Variants in AMIGO2 observed in about 807,000 individuals in gnomAD.
The protein encoded by AMIGO2 is amphoterin-induced protein 2.
A neutral mutation model predicts 23.7 loss-of-function variants in AMIGO2; 15 were observed. The ratio of observed to expected loss-of-function variants is 0.63; its 90% CI spans 0.42 to 0.98. The LOEUF (loss-of-function observed/expected upper bound fraction) is 0.98. Among genes scored for constraint, AMIGO2 ranks in the 50% least tolerant of loss-of-function variants. The pLI is 0.00. For missense variants in AMIGO2, 561 were observed against 633.1 expected (o/e 0.89, Z 1.22); for synonymous variants, 264 against 252.3 (o/e 1.05, Z -0.44).
chr12:47,077,022 A>T lies in AMIGO2; in HGVS notation c.*412T>A, dbSNP rs1230958182. On this transcript the variant is annotated 3_prime_UTR_variant, in exon 3 of 3. Coordinates refer to ENST00000550413, the MANE Select transcript of AMIGO2 (RefSeq NM_001370299.1). ...ATTCTTCTTTCTACATCTTTTAAAA[A>T]TGAAATTGGACACTAGTGTTTTTCT... 6.3e-6 allele frequency: 1 copy of T among 158,766 alleles called. No homozygotes were observed. Among genetic ancestry groups the T allele is most frequent in the African/African-American group, 2.4e-5 (1 of 41,534 alleles). 9.8% of individuals were successfully genotyped at this position (158,766 alleles called of 1,614,324 possible).
Position 47,078,868 on chromosome 12 carries a change from G to C in AMIGO2, c.135C>G (p.Cys45Trp), listed in dbSNP as rs1205131522. 1 of 1,614,100 alleles carries C rather than the reference G, an allele frequency of 6.2e-7. No homozygotes were observed. The highest frequency in any genetic ancestry group is 1.3e-5 in the African/African-American group (1 of 74,936). The change falls in exon 3 of 3, where the codon TGC becomes TGG. Residue 45 changes from cysteine to tryptophan, a missense_variant. Coordinates refer to ENST00000550413, the MANE Select transcript of AMIGO2 (RefSeq NM_001370299.1). ...AGCTGACGATGTCAGTGGCACAGAT[G>C]CAAGCGGTGGGGCACACCCCAGAGG... ...PGASGVCPTA[C>W]ICATDIVSCT...
In AMIGO2 at chr12:47,078,568, C is replaced by T. The variant is rs568118261; in HGVS notation, c.435G>A (p.Val145=). The change falls in exon 3 of 3, where the codon GTG becomes GTA. Residue 145 remains valine, a synonymous_variant. Transcript: ENST00000550413. ...ATATGTGATTGTTGTAAAGCAGAAG[C>T]ACTTCCAGAACCTTCAACTCTTGGA... is the stretch of plus-strand genomic sequence containing the variant. ...AVFQELKVLE[V]LLLYNNHISY... 1.1e-4 allele frequency: 170 copies of T among 1,614,104 alleles called. No homozygotes were observed. The highest frequency in any genetic ancestry group is 1.3e-4 in the Non-Finnish European group (155 of 1,180,054).
rs1281019179 is a variant in AMIGO2 at position 47,077,854 on chromosome 12, G to A, written c.1149C>T (p.Ser383=). 1.9e-6 allele frequency: 3 copies of A among 1,614,180 alleles called. No homozygotes were observed. Among genetic ancestry groups the A allele is most frequent in the Non-Finnish European group, 2.5e-6 (3 of 1,180,042 alleles). ...NETVDVTINV[S]NFTVSRSHAH... ...CATGGGATCTGCTTACAGTGAAATT[G>A]CTCACATTTATTGTGACGTCCACAG... The change falls in exon 3 of 3, where the codon AGC becomes AGT. Residue 383 remains serine (S), a synonymous_variant. Transcript: ENST00000550413.
Position 47,077,511 on chromosome 12 carries a change from T to G in AMIGO2, c.1492A>C (p.Lys498Gln). The change falls in exon 3 of 3, where the codon AAG becomes CAG. Residue 498 changes from lysine (K) to glutamine (Q), a missense_variant. Coordinates refer to ENST00000550413, the MANE Select transcript of AMIGO2 (RefSeq NM_001370299.1). ...SEAVIAEGIL[K>Q]STRGKSDSDS... ...GAGTCAGATTTCCCCCTCGTGGACT[T>G]TAGGATGCCCTCAGCTATCACTGCC... is the stretch of plus-strand genomic sequence containing the variant. The G allele has an allele frequency of 1.2e-6, 2 of 1,614,176 alleles. No individual in the cohort carries two copies. The highest frequency in any genetic ancestry group is 2.2e-5 in the South Asian group (2 of 91,074).
rs1273217676 is a variant in AMIGO2, at chr12:47,079,651, A to AGCCCTGGACGCAGCAGCC, written c.-378_-361dup. 2.0e-5 allele frequency: 3 copies of AGCCCTGGACGCAGCAGCC among 152,246 alleles called. No homozygotes were observed. The highest frequency in any genetic ancestry group is 2.0e-4 in the Admixed American group (3 of 15,286). The allele number at this position is 152,246 out of a possible 1,614,324, so 9.4% of individuals were successfully genotyped here. On this transcript the variant is annotated 5_prime_UTR_variant, in exon 1 of 3. Transcript: ENST00000550413. ...TTCAAGCAGCCGCGGCGGCAGCAGC[A>AGCCCTGGACGCAGCAGCC]GCCCTGGACGCAGCAGCCAAGCTCT...
At chr12:47,076,440 T>TTACTA (rs10682029), downstream of AMIGO2, 126,841 of 152,288 alleles carry the variant, frequency 0.83, 52,971 homozygotes, top group South Asian at 0.87. Flanking sequence ...AAAATCAACT[T>TTACTA]TAAGAATTTT....
rs747462184 is a variant in AMIGO2, at chr12:47,078,979, C to A, written c.24G>T (p.Leu8=). 3.7e-6 allele frequency: 6 copies of A among 1,610,740 alleles called. No individual in the cohort carries two copies. Among genetic ancestry groups the A allele is most frequent in the Non-Finnish European group, 2.5e-6 (3 of 1,178,178 alleles). MSLRVHT[L]PTLLGAVVRP... is the part of the protein sequence containing the mutation. ...TGACGACGGCTCCAAGCAGGGTGGG[C>A]AGAGTGTGTACACGTAACGACATTA... Residue 8 remains leucine (L), a synonymous_variant, in exon 3 of 3, where the codon CTG becomes CTT. Coordinates refer to ENST00000550413, the MANE Select transcript of AMIGO2 (RefSeq NM_001370299.1).
In AMIGO2 at chr12:47,077,212, G is replaced by T; in HGVS notation, c.*222C>A. On this transcript the variant is annotated 3_prime_UTR_variant, in exon 3 of 3. Transcript: ENST00000550413. ...CAATAGTGCTAAAAGCTAAGATATTGTGATCTAGAACTTAAACTTTGGAAA... is the reference window on the plus strand; with the variant it reads ...CAATAGTGCTAAAAGCTAAGATATTTTGATCTAGAACTTAAACTTTGGAAA... 1.7e-6 allele frequency: 1 copy of T among 586,588 alleles called. No individual in the cohort carries two copies. The highest frequency in any genetic ancestry group is 2.8e-6 in the Non-Finnish European group (1 of 351,542). The allele number at this position is 586,588 out of a possible 1,614,324, so 36.3% of individuals were successfully genotyped here.
At position 47,076,838 on chromosome 12, in the gene AMIGO2, G is replaced by C. The variant is rs1210394517; in HGVS notation, c.*596C>G. ...AAAATGAAAAGACAGGCAAACAAAT[G>C]TACTTTCCTTGCACTATTTCTATAA... On this transcript the variant is annotated 3_prime_UTR_variant, in exon 3 of 3. Transcript: ENST00000550413. The C allele has an allele frequency of 6.6e-6, 1 of 152,170 alleles. No individual in the cohort carries two copies. The highest frequency in any genetic ancestry group is 2.4e-5 in the African/African-American group (1 of 41,458). 9.4% of individuals were successfully genotyped at this position (152,170 alleles called of 1,614,324 possible). A position where few individuals can be genotyped will look rare whatever the true frequency, so the allele number is the denominator to read the frequency against.
In AMIGO2 at chr12:47,077,149, T is replaced by C. The variant is rs1409930456; in HGVS notation, c.*285A>G. The C allele has an allele frequency of 6.5e-6, 2 of 308,158 alleles. No homozygotes were observed. The highest frequency in any genetic ancestry group is 1.2e-5 in the Non-Finnish European group (2 of 167,324). The allele number at this position is 308,158 out of a possible 1,614,324, so 19.1% of individuals were successfully genotyped here. A position where few individuals can be genotyped will look rare whatever the true frequency, so the allele number is the denominator to read the frequency against. ...TTCAATATCCTAAATAAAGGGACAA[T>C]GGGAGTCATATCACCTTTGGGCCTA... On this transcript the variant is annotated 3_prime_UTR_variant, in exon 3 of 3. Coordinates refer to ENST00000550413, the MANE Select transcript of AMIGO2 (RefSeq NM_001370299.1).
chr12:47,077,826 G>A lies in AMIGO2; in HGVS notation c.1177C>T (p.His393Tyr), dbSNP rs150268299. The change falls in exon 3 of 3, where the codon CAT (histidine) becomes TAT (tyrosine). Residue 393 changes from histidine (H) to tyrosine (Y), a missense_variant. Physicochemically the swap from His to Tyr is moderately conservative, Grantham distance 83 (BLOSUM62 2). Coordinates refer to ENST00000550413, the MANE Select transcript of AMIGO2 (RefSeq NM_001370299.1). Reference protein sequence around the residue: ...SNFTVSRSHAHEAFNTAFTTL... With the variant: ...SNFTVSRSHAYEAFNTAFTTL... ...GTAAAAGCTGTGTTAAATGCCTCAT[G>A]AGCATGGGATCTGCTTACAGTGAAA... 119 of 1,614,216 alleles carry A rather than the reference G, an allele frequency of 7.4e-5. No individual in the cohort carries two copies. The African/African-American group carries it at 1.4e-3, about 20-fold the overall frequency.
In AMIGO2 at chr12:47,078,763, A is replaced by C. The variant is rs1345107455; in HGVS notation, c.240T>G (p.Ile80Met). Residue 80 changes from isoleucine (I) to methionine (M), a missense_variant, in exon 3 of 3, where the codon ATT becomes ATG. By Grantham distance (10) the Ile-to-Met change is conservative. Transcript: ENST00000550413. ...GAATCCACTCAGAATCCAGAAGCCCAATTCTGTTATAACTCAGGTCCAGTC... is the reference window on the plus strand; with the variant it reads ...GAATCCACTCAGAATCCAGAAGCCCCATTCTGTTATAACTCAGGTCCAGTC... Reference protein sequence around the residue: ...IKRLDLSYNRIGLLDSEWIPV... With the variant: ...IKRLDLSYNRMGLLDSEWIPV... The C allele has an allele frequency of 1.9e-6, 3 of 1,614,228 alleles. No individual in the cohort carries two copies. The highest frequency in any genetic ancestry group is 2.5e-6 in the Non-Finnish European group (3 of 1,180,042).
chr12:47,078,808 G>A lies in AMIGO2; in HGVS notation c.195C>T (p.Asn65=). Residue 65 remains asparagine (N), a synonymous_variant, in exon 3 of 3, where the codon AAC becomes AAT. Transcript: ENST00000550413. ...TNKNLSKVPG[N]LFRLIKRLDL... ...CCAGTCTCTTAATCAGTCTGAAAAG[G>A]TTCCCAGGCACCTTGGACAGGTTTT... is the stretch of plus-strand genomic sequence containing the variant. 1 of 1,614,180 alleles carries A rather than the reference G, an allele frequency of 6.2e-7. No individual in the cohort carries two copies. The highest frequency in any genetic ancestry group is 8.5e-7 in the Non-Finnish European group (1 of 1,180,040).
Position 47,077,458 on chromosome 12 carries a change from G to A in AMIGO2, c.1545C>T (p.Asp515=). Residue 515 remains aspartate (D), a synonymous_variant, in exon 3 of 3, where the codon GAC becomes GAT. Coordinates refer to ENST00000550413, the MANE Select transcript of AMIGO2 (RefSeq NM_001370299.1). The part of the protein sequence containing the change: ...DSDSVNSVFS[D]TPFVAST ...ATTAAGTGGACGCCACAAAAGGTGT[G>A]TCAGAAAACACTGAATTGACTGAAT... The A allele has an allele frequency of 1.9e-6, 3 of 1,613,680 alleles. No homozygotes were observed. The highest frequency in any genetic ancestry group is 2.5e-6 in the Non-Finnish European group (3 of 1,179,628).
Position 47,077,961 on chromosome 12 carries a change from G to T in AMIGO2, c.1042C>A (p.Leu348Met), listed in dbSNP as rs1278549647. ...ENFYVFHNGS[L>M]VIESPRFEDA... Reference sequence around the variant, plus strand: ...TCAAAACGAGGGCTTTCTATAACCAGACTTCCATTGTGAAACACGTAAAAG... The same window carrying T: ...TCAAAACGAGGGCTTTCTATAACCATACTTCCATTGTGAAACACGTAAAAG... The change falls in exon 3 of 3, where the codon CTG (leucine) becomes ATG (methionine). Residue 348 changes from leucine (L) to methionine (M), a missense_variant. Transcript: ENST00000550413. The T allele has an allele frequency of 6.2e-7, 1 of 1,613,758 alleles. No individual in the cohort carries two copies. Among genetic ancestry groups the T allele is most frequent in the Middle Eastern group, 1.6e-4 (1 of 6,062 alleles).
In AMIGO2 at chr12:47,078,986, T is replaced by A. The variant is rs746220242; in HGVS notation, c.17A>T (p.His6Leu). The A allele has an allele frequency of 1.9e-6, 3 of 1,605,152 alleles. No homozygotes were observed. Among genetic ancestry groups the A allele is most frequent in the Non-Finnish European group, 1.7e-6 (2 of 1,174,620 alleles). Residue 6 changes from histidine to leucine, a missense_variant, in exon 3 of 3, where the codon CAC (histidine) becomes CTC (leucine). His to Leu is a moderately conservative substitution (Grantham distance 99). Coordinates refer to ENST00000550413, the MANE Select transcript of AMIGO2 (RefSeq NM_001370299.1). MSLRV[H>L]TLPTLLGAVV... Reference sequence around the variant, plus strand: ...GGCTCCAAGCAGGGTGGGCAGAGTGTGTACACGTAACGACATTATGGTCGC... The same window carrying A: ...GGCTCCAAGCAGGGTGGGCAGAGTGAGTACACGTAACGACATTATGGTCGC...
In AMIGO2 at chr12:47,078,453, A is replaced by G; in HGVS notation, c.550T>C (p.Leu184=). The G allele has an allele frequency of 1.9e-6, 3 of 1,614,168 alleles. No individual in the cohort carries two copies. The highest frequency in any genetic ancestry group is 2.5e-6 in the Non-Finnish European group (3 of 1,180,028). ...GNFLTQFPMD[L]YVGRFKLAEL... is the part of the protein sequence containing the mutation. Reference sequence around the variant, plus strand: ...GCCAGCTTGAACCTTCCAACATACAAATCCATCGGAAACTGTGTGAGAAAA... The same window carrying G: ...GCCAGCTTGAACCTTCCAACATACAGATCCATCGGAAACTGTGTGAGAAAA... The change falls in exon 3 of 3, where the codon TTG becomes CTG. Residue 184 remains leucine (L), a synonymous_variant. Coordinates refer to ENST00000550413, the MANE Select transcript of AMIGO2 (RefSeq NM_001370299.1).
Position 47,077,855 on chromosome 12 carries a change from CT to C in AMIGO2, c.1147del (p.Ser383AlafsTer5). The C allele has an allele frequency of 6.2e-7, 1 of 1,614,180 alleles. No individual in the cohort carries two copies. The highest frequency in any genetic ancestry group is 8.5e-7 in the Non-Finnish European group (1 of 1,180,030). On this transcript the variant is annotated frameshift_variant, in exon 3 of 3. Transcript: ENST00000550413. LOFTEE classifies it high-confidence loss of function. ...ATGGGATCTGCTTACAGTGAAATTG[CT>C]CACATTTATTGTGACGTCCACAGTT... Reference protein sequence around the residue: ...NETVDVTINVSNFTVSRSHAH... With the variant: ...NETVDVTINVXNFTVSRSHAH...
downstream of AMIGO2, chr12:47,076,128 G>A (rs562361998): frequency 2.0e-5 from 3 of 152,270 alleles, no homozygotes; most frequent in Non-Finnish European, 4.4e-5. Context: ...GCAAGTATAG[G>A]TCTGTGATGA....
Sources: allele counts gnomAD v4.1 joint callset, GRCh38; gene constraint gnomAD v4.1.1; transcripts MANE v1.5; gene names NCBI Gene and HGNC (gene_info 2026-07-23, HGNC 2026-07-21).